Variants in GATB observed in about 807,000 individuals in gnomAD.
GATB encodes the protein glutamyl-tRNA amidotransferase subunit B.
GATB carries 39 observed loss-of-function variants against 62.3 expected under a neutral mutation model. That is an observed-to-expected ratio of 0.63 (90% CI 0.48 to 0.82). GATB has a LOEUF of 0.82. Ranked by LOEUF, GATB falls within the 40% of genes least tolerant of loss-of-function variation. GATB has a pLI of 0.00. For synonymous variants in GATB, 276 were observed against 258.9 expected (o/e 1.07, Z -0.63); for missense variants, 670 against 684.0 (o/e 0.98, Z 0.23).
intron 9 of GATB, 125 bp downstream of exon 9, chr4:151,701,204 A>T (rs114316855): frequency 6.8e-6 from 4 of 587,556 alleles, no homozygotes; most frequent in Non-Finnish European, 1.1e-5. Flanking sequence ...TAGCATCTAT[A>T]GTACAACCCA....
chr4:151,734,459 T>C (rs755342746), intron 2 of GATB, among the ~76,000 whole-genome samples: 3 of 151,230 alleles, frequency 2.0e-5, no homozygotes, highest in Non-Finnish European at 2.9e-5. Context: ...CACAGACAAA[T>C]AGAAACACAT....
chr4:151,758,642 C>T, intron 2 of GATB, 130 bp downstream of exon 2: 1 of 737,980 alleles, frequency 1.4e-6, no homozygotes, highest in Non-Finnish European at 2.1e-6. Context: ...ATATATCCCG[C>T]TTCACCCAAA....
At chr4:151,698,269 C>G (rs1321499144) in intron 9 of GATB, among the ~76,000 whole-genome samples, 1 of 151,940 alleles carries the variant, frequency 6.6e-6, no homozygotes, top group Non-Finnish European at 1.5e-5. Context: ...TAAAGCATAA[C>G]ATTAGAGTTC....
chr4:151,723,836 G>C (rs925675236), intron 2 of GATB: 25 of 152,186 alleles, frequency 1.6e-4, no homozygotes, highest in African/African-American at 5.5e-4. Context: ...GTAGAGGTAG[G>C]AGATGAGATA....
intron 9 of GATB, among the ~76,000 whole-genome samples, chr4:151,693,069 G>A (rs1431171674): frequency 6.6e-6 from 1 of 152,208 alleles, no homozygotes; most frequent in Non-Finnish European, 1.5e-5. Flanking sequence ...GACGCTGGAG[G>A]AGGCTCATCA....
chr4:151,743,719 CTGAA>C (rs1237413378), intron 2 of GATB, among the ~76,000 whole-genome samples: 1 of 152,222 alleles, frequency 6.6e-6, no homozygotes, highest in Non-Finnish European at 1.5e-5. Flanking sequence ...AAGGACTGAA[CTGAA>C]TGATTTTCAG....
chr4:151,737,684 T>A (rs1009032780), intron 2 of GATB, among the ~76,000 whole-genome samples: 10 of 152,124 alleles, frequency 6.6e-5, no homozygotes, highest in Non-Finnish European at 2.9e-5. Context: ...GTTTTGTGGA[T>A]CAGGCCCAGG....
At chr4:151,707,931 C>T in intron 6 of GATB, 57 bp downstream of exon 6, 1 of 1,181,184 alleles carries the variant, frequency 8.5e-7, no homozygotes, top group South Asian at 1.2e-5. Flanking sequence ...TTGTTTGTTA[C>T]CCAGCAAGAG....
At chr4:151,758,157 A>G (rs1256366628) in intron 2 of GATB, among the ~76,000 whole-genome samples, 1 of 152,154 alleles carries the variant, frequency 6.6e-6, no homozygotes, top group Non-Finnish European at 1.5e-5. Context: ...TTAATTTGCA[A>G]TAACCACAAT....
intron 10 of GATB, among the ~76,000 whole-genome samples, chr4:151,684,096 A>G (rs927133864): frequency 6.6e-6 from 1 of 152,136 alleles, no homozygotes; most frequent in African/African-American, 2.4e-5. Context: ...CCATCCTTGG[A>G]TGCTATCCTA....
chr4:151,677,805 AAGTC>A (rs1738040030), intron 11 of GATB: 1 of 152,194 alleles, frequency 6.6e-6, no homozygotes. Context: ...AAATAATACA[AAGTC>A]AATAAATACA....
chr4:151,756,130 G>T (rs1389021230), intron 2 of GATB, among the ~76,000 whole-genome samples: 1 of 152,216 alleles, frequency 6.6e-6, no homozygotes, highest in Non-Finnish European at 1.5e-5. Flanking sequence ...AGAAGCAGGA[G>T]AGAAGGGAGC....
intron 5 of GATB, among the ~76,000 whole-genome samples, chr4:151,715,598 T>A (rs1301745680): frequency 6.6e-6 from 1 of 152,128 alleles, no homozygotes; most frequent in Non-Finnish European, 1.5e-5. Context: ...TGTATATGGA[T>A]GAAAAATCTA....
Position 151,717,960 on chromosome 4 carries a change from AGTGAG to A in GATB, c.442-891_442-887del, listed in dbSNP as rs200622743. Among the ~76,000 whole-genome samples, 947 of 152,284 alleles carry A rather than the reference AGTGAG, an allele frequency of 6.2e-3. 9 individuals are homozygous for A. Among genetic ancestry groups the A allele is most frequent in the African/African-American group, 0.021 (882 of 41,558 alleles). ...CTTGCCCACAGCCACATACAGAGCT[AGTGAG>A]CATCAATGTCAATGTCTGAATTCAG... On this transcript the variant is annotated intron_variant, in intron 3 of 12. Coordinates refer to ENST00000263985, the MANE Select transcript of GATB (RefSeq NM_004564.3).
Position 151,671,157 on chromosome 4 carries a change from AG to A in GATB, c.*16del. The A allele has an allele frequency of 6.2e-7, 1 of 1,613,798 alleles. No individual in the cohort carries two copies. The highest frequency in any genetic ancestry group is 2.2e-5 in the East Asian group (1 of 44,868). ...ACTGTTTGTTGTTGTCCCTTGGGCA[AG>A]GGGATCCCAAACATCTCACAATGAC... On this transcript the variant is annotated 3_prime_UTR_variant, in exon 13 of 13. Coordinates refer to ENST00000263985, the MANE Select transcript of GATB (RefSeq NM_004564.3).
intron 2 of GATB, among the ~76,000 whole-genome samples, chr4:151,732,109 AGCCTCCGCCCG>A (rs1560860452): frequency 3.0e-5 from 3 of 100,528 alleles, no homozygotes; most frequent in African/African-American, 1.2e-4. Context: ...AGGTGGGGGG[AGCCTCCGCCCG>A]GCCACCGCCC....
chr4:151,740,048 TG>T (rs1739453206), intron 2 of GATB, among the ~76,000 whole-genome samples: 1 of 152,228 alleles, frequency 6.6e-6, no homozygotes, highest in South Asian at 2.1e-4. Flanking sequence ...AAAAAGCATA[TG>T]GCTAAACATC....
chr4:151,719,572 C>T (rs4292308), intron 2 of GATB, 34 bp from the exon 3 acceptor site: 1 of 1,423,154 alleles, frequency 7.0e-7, no homozygotes. Flanking sequence ...CCTCTCAGAA[C>T]CGCAGGCTGA....
At chr4:151,735,317 T>C (rs1476842281) in intron 2 of GATB, among the ~76,000 whole-genome samples, 2 of 148,792 alleles carry the variant, frequency 1.3e-5, no homozygotes, top group African/African-American at 2.5e-5. Flanking sequence ...GATATACAAA[T>C]GGCCAACAAA....
Sources: gnomAD v4.1 joint callset for allele counts (sites outside exome capture counted in the v4.1 genomes callset) on GRCh38, gnomAD v4.1.1 for gene constraint, MANE v1.5 for transcripts, NCBI Gene and HGNC (gene_info 2026-07-23, HGNC 2026-07-21) for gene names.